The following SIL1 variants were observed in gnomAD, a reference collection of about 807,000 sequenced individuals.
SIL1 encodes the protein SIL1 nucleotide exchange factor, also known as nucleotide exchange factor SIL1.
In SIL1, 40 loss-of-function variants were observed where a neutral mutation model predicts 49.1. That is an observed-to-expected ratio of 0.81 (90% confidence interval 0.63 to 1.06). The LOEUF is 1.06. Ranked by LOEUF, SIL1 falls within the 50% of genes least tolerant of loss-of-function variation. SIL1 has a pLI of 0.00. For synonymous variants in SIL1, 253 were observed against 250.8 expected (o/e 1.01, Z -0.08); for missense variants, 500 against 572.6 (o/e 0.87, Z 1.29).
At chr5:139,005,586 A>G (rs1269534398) in intron 7 of SIL1, among the ~76,000 whole-genome samples, 2 of 112,748 alleles carry the variant, frequency 1.8e-5, no homozygotes, top group Admixed American at 8.8e-5. Context: ...ATATCTCCCA[A>G]TGCTATCCCT....
In SIL1 at chr5:139,139,586, A is replaced by G. The variant is rs76493407; in HGVS notation, c.-10-11733T>C. On this transcript the variant is annotated intron_variant, in intron 1 of 9. Coordinates refer to ENST00000394817, the MANE Select transcript of SIL1 (RefSeq NM_022464.5). Reference sequence around the variant, plus strand: ...GAGCACACTGGGCACCATACTATGGAACAGAATATACAAAAGATATTGTCA... The same window carrying G: ...GAGCACACTGGGCACCATACTATGGGACAGAATATACAAAAGATATTGTCA... Among the ~76,000 whole-genome samples the G allele has an allele frequency of 7.0e-3, 1,064 of 152,382 alleles. 7 individuals carry two copies. Among genetic ancestry groups the G allele is most frequent in the Non-Finnish European group, 0.011 (767 of 68,036 alleles).
intron 1 of SIL1, among the ~76,000 whole-genome samples, chr5:139,129,852 G>A (rs1019110854): frequency 5.3e-5 from 8 of 152,118 alleles, no homozygotes; most frequent in African/African-American, 1.9e-4. Flanking sequence ...CAAAAGCATA[G>A]GCAACAAAAG....
intron 1 of SIL1, among the ~76,000 whole-genome samples, chr5:139,163,437 T>G (rs886546009): frequency 6.6e-6 from 1 of 152,026 alleles, no homozygotes; most frequent in African/African-American, 2.4e-5. Flanking sequence ...TGGCACCATC[T>G]CGTCTCATTG....
chr5:138,995,282 T>A (rs964602084), intron 7 of SIL1, among the ~76,000 whole-genome samples: 5 of 151,600 alleles, frequency 3.3e-5, no homozygotes, highest in Admixed American at 3.3e-4. Context: ...AGTTTCACTC[T>A]TGTTGCCCAG....
chr5:138,957,015 A>G (rs1766917760), intron 7 of SIL1, among the ~76,000 whole-genome samples: 1 of 152,030 alleles, frequency 6.6e-6, no homozygotes, highest in Non-Finnish European at 1.5e-5. Context: ...CACCCACGTA[A>G]GCAACTATGA....
intron 1 of SIL1, among the ~76,000 whole-genome samples, chr5:139,179,903 A>C (rs1205282958): frequency 2.0e-5 from 3 of 151,906 alleles, no homozygotes; most frequent in Non-Finnish European, 4.4e-5. Context: ...CAAAAAATTA[A>C]AAGATTAGCC....
rs937530096 is a variant in SIL1 at position 138,947,582 on chromosome 5, G to A, written c.1030-109C>T. ...CTCTGCCCTTCAGACAGGAAGGCAC[G>A]AGGCTGACCCCTGAGGGCCCACCTC... On this transcript the variant is annotated intron_variant, in intron 9 of 9. Coordinates refer to ENST00000394817, the MANE Select transcript of SIL1 (RefSeq NM_022464.5). This position sits in a 1 kb window ranked among gnomAD's most constrained non-coding sequence, Gnocchi z 4.1. The A allele has an allele frequency of 5.4e-6, 5 of 927,014 alleles. No individual in the cohort carries two copies. The highest frequency in any genetic ancestry group is 4.8e-5 in the African/African-American group (3 of 62,038). The allele number at this position is 927,014 out of a possible 1,614,324, so 57.4% of individuals were successfully genotyped here.
chr5:139,050,876 G>C, intron 4 of SIL1, 62 bp downstream of exon 4: 2 of 1,315,352 alleles, frequency 1.5e-6, no homozygotes, highest in South Asian at 2.4e-5. Flanking sequence ...AACATTTTAA[G>C]TATTACAATA....
At chr5:139,148,727 C>T (rs1581134188) in intron 1 of SIL1, among the ~76,000 whole-genome samples, 1 of 152,354 alleles carries the variant, frequency 6.6e-6, no homozygotes, top group East Asian at 1.9e-4. Flanking sequence ...CTTTGCCTCA[C>T]TCTTACAACA....
chr5:138,953,127 G>T (rs529511487), intron 7 of SIL1, among the ~76,000 whole-genome samples: 1 of 152,352 alleles, frequency 6.6e-6, no homozygotes, highest in Non-Finnish European at 1.5e-5. Context: ...CAAAGCCACC[G>T]CATGCCTCTG....
At chr5:139,142,833 A>G (rs1299577789) in intron 1 of SIL1, among the ~76,000 whole-genome samples, 1 of 151,880 alleles carries the variant, frequency 6.6e-6, no homozygotes, top group Non-Finnish European at 1.5e-5. Context: ...CAGTGGCGCG[A>G]TCTCGGTTCA....
intron 1 of SIL1, among the ~76,000 whole-genome samples, chr5:139,170,128 C>T (rs553242175): frequency 6.6e-6 from 1 of 152,246 alleles, no homozygotes; most frequent in Non-Finnish European, 1.5e-5. Context: ...CTCGGCCTCC[C>T]GAGGTGCTGG....
At chr5:138,949,119 C>CG (rs2150375809) in intron 9 of SIL1, among the ~76,000 whole-genome samples, 1 of 152,372 alleles carries the variant, frequency 6.6e-6, no homozygotes, top group Non-Finnish European at 1.5e-5. Flanking sequence ...ACGACAGGGA[C>CG]TGCGGATTAT....
intron 3 of SIL1, among the ~76,000 whole-genome samples, chr5:139,103,747 G>A (rs1370433046): frequency 6.6e-6 from 1 of 152,234 alleles, no homozygotes; most frequent in African/African-American, 2.4e-5. Flanking sequence ...GTGTGTGGGA[G>A]TCAGCATAAG....
At chr5:139,020,772 C>T (rs1258086462) in intron 7 of SIL1, among the ~76,000 whole-genome samples, 5 of 152,216 alleles carry the variant, frequency 3.3e-5, no homozygotes, top group African/African-American at 7.2e-5. Context: ...GGGCAAGACA[C>T]ATTCCTCCCT....
At chr5:139,111,924 C>CG (rs948680323) in intron 3 of SIL1, among the ~76,000 whole-genome samples, 34 of 152,236 alleles carry the variant, frequency 2.2e-4, no homozygotes, top group African/African-American at 7.5e-4. Flanking sequence ...GCTGCCATCT[C>CG]GGCTCACTGC....
chr5:139,178,583 C>G (rs1338899759), intron 1 of SIL1, among the ~76,000 whole-genome samples: 1 of 152,026 alleles, frequency 6.6e-6, no homozygotes, highest in Non-Finnish European at 1.5e-5. Flanking sequence ...AGGCCCTCAG[C>G]CTGAAATTTT....
At chr5:138,968,905 C>T (rs1322431525) in intron 7 of SIL1, among the ~76,000 whole-genome samples, 1 of 152,102 alleles carries the variant, frequency 6.6e-6, no homozygotes, top group African/African-American at 2.4e-5. Flanking sequence ...AATCAGACTC[C>T]GCGACTGCCC....
intron 7 of SIL1, among the ~76,000 whole-genome samples, chr5:138,956,236 A>G (rs955807175): frequency 3.9e-5 from 6 of 152,212 alleles, no homozygotes; most frequent in Non-Finnish European, 7.3e-5. Context: ...GCCAGGCTCA[A>G]TCATTCACCT....
Sources: allele counts gnomAD v4.1 joint callset (sites outside exome capture counted in the v4.1 genomes callset), GRCh38; gene constraint gnomAD v4.1.1; non-coding constraint Gnocchi (gnomAD v3.1); transcripts MANE v1.5; gene names NCBI Gene and HGNC (gene_info 2026-07-23, HGNC 2026-07-21).